CATSPERG: variants seen among roughly 807,000 people sequenced by gnomAD.
CATSPERG encodes cation channel sperm-associated auxiliary subunit gamma.
Under a neutral mutation model 145.0 loss-of-function variants are expected in CATSPERG, and 115 were observed. The observed-to-expected ratio is 0.79, with a 90% CI of 0.68 to 0.93. The LOEUF (loss-of-function observed/expected upper bound fraction) is 0.93. CATSPERG is among the 40% of genes least tolerant of loss of function. CATSPERG has a pLI of 0.00. For synonymous variants in CATSPERG, 588 were observed against 589.0 expected (o/e 1.00, Z 0.02); for missense variants, 1,296 against 1,490.1 (o/e 0.87, Z 2.14).
intron 20 of CATSPERG, among the ~76,000 whole-genome samples, chr19:38,363,939 C>T (rs1430863864): frequency 7.9e-5 from 12 of 152,278 alleles, no homozygotes; most frequent in Admixed American, 7.8e-4. Flanking sequence ...CTCCACAAAA[C>T]CGCCATTGTC....
At chr19:38,345,063 T>C (rs1024958742) in intron 6 of CATSPERG, among the ~76,000 whole-genome samples, 4 of 148,878 alleles carry the variant, frequency 2.7e-5, no homozygotes, top group African/African-American at 9.9e-5. Flanking sequence ...TGTACCACCA[T>C]ATCCAGCTAA....
chr19:38,348,464 G>A (rs73043022), intron 7 of CATSPERG, among the ~76,000 whole-genome samples: 3,427 of 124,066 alleles, frequency 0.028, 65 homozygotes, highest in South Asian at 0.054. Flanking sequence ...CACAAACTTC[G>A]TTTTTTTTTT....
chr19:38,344,856 G>GACAC lies in CATSPERG; in HGVS notation c.669+512_669+515dup, dbSNP rs34101460. The stretch of plus-strand genomic sequence containing the variant: ...ATATGTATATACCTGTACATGAACA[G>GACAC]ACACACACACACACACACACACACA... On this transcript the variant is annotated intron_variant, in intron 6 of 28. Coordinates refer to ENST00000409235, the MANE Select transcript of CATSPERG (RefSeq NM_021185.5). 6.9e-4 allele frequency among the ~76,000 whole-genome samples: 64 copies of GACAC among 92,352 alleles called. 1 individual carries two copies. Among genetic ancestry groups the GACAC allele is most frequent in the African/African-American group, 1.1e-3 (27 of 24,674 alleles). The allele number at this position is 92,352 out of a possible 152,430, so 60.6% of individuals were successfully genotyped here. A position where few individuals can be genotyped will look rare whatever the true frequency, so the allele number is the denominator to read the frequency against.
In CATSPERG at chr19:38,353,027, CAAAAAAA is replaced by C. The variant is rs61080753; in HGVS notation, c.997+614_997+620del. On this transcript the variant is annotated intron_variant, in intron 8 of 28. Coordinates refer to ENST00000409235, the MANE Select transcript of CATSPERG (RefSeq NM_021185.5). ...TGGGCGACAGAGCAAGACCCTGTTTCAAAAAAAAAAAAAAAAAAAAAAAAAGCTGGGC... is the reference window on the plus strand; with the variant it reads ...TGGGCGACAGAGCAAGACCCTGTTTCAAAAAAAAAAAAAAAAAAGCTGGGC... 3.9e-4 allele frequency among the ~76,000 whole-genome samples: 24 copies of C among 61,568 alleles called. 1 individual carries two copies. In the East Asian group the frequency reaches 6.6e-3, roughly 17 times the overall value. The allele number at this position is 61,568 out of a possible 152,430, so 40.4% of individuals were successfully genotyped here. A position where few individuals can be genotyped will look rare whatever the true frequency, so the allele number is the denominator to read the frequency against.
rs1269036262 is a variant in CATSPERG, at chr19:38,337,116, T to G, written c.-14-105T>G. 2.9e-6 allele frequency: 4 copies of G among 1,361,278 alleles called. No homozygotes were observed. In the African/African-American group the frequency reaches 5.8e-5, roughly 20 times the overall value. The allele number at this position is 1,361,278 out of a possible 1,614,324, so 84.3% of individuals were successfully genotyped here. A position where few individuals can be genotyped will look rare whatever the true frequency, so the allele number is the denominator to read the frequency against. ...GGGGCCAGGAGCAAGAGCCGGGGCGTGGCCAGGAGCAAGTGCTGTGAGAGG... is the reference window on the plus strand; with the variant it reads ...GGGGCCAGGAGCAAGAGCCGGGGCGGGGCCAGGAGCAAGTGCTGTGAGAGG... On this transcript the variant is annotated intron_variant, in intron 1 of 28. Coordinates refer to ENST00000409235, the MANE Select transcript of CATSPERG (RefSeq NM_021185.5).
intron 8 of CATSPERG, among the ~76,000 whole-genome samples, chr19:38,353,530 T>G (rs1970185993): frequency 6.7e-6 from 1 of 149,966 alleles, no homozygotes; most frequent in Non-Finnish European, 1.5e-5. Flanking sequence ...CTACTAAAAA[T>G]ACAGAAAATT....
chr19:38,359,108 C>T (rs1056976368), intron 13 of CATSPERG, among the ~76,000 whole-genome samples: 1 of 152,036 alleles, frequency 6.6e-6, no homozygotes, highest in African/African-American at 2.4e-5. Context: ...CCTCAGCCTC[C>T]GAGAGTGCTG....
At position 38,370,064 on chromosome 19, in the gene CATSPERG, G is replaced by T; in HGVS notation, c.3113G>T (p.Arg1038Ile). Residue 1038 changes from arginine (R) to isoleucine (I), a missense_variant and splice_region_variant, in exon 27 of 29, where the codon AGA becomes ATA. Physicochemically the swap from Arg to Ile is moderately conservative, Grantham distance 97. Transcript: ENST00000409235. ...TTCTTCAAGGTGTTGGTGAGCAATA[G>T]GTGAGCCAGGCAAGTGGCCCAGGTG... ...EFFFKVLVSN[R>I]GVDTSTYCNY... is the part of the protein sequence containing the mutation. 6.2e-7 allele frequency: 1 copy of T among 1,614,142 alleles called. No individual in the cohort carries two copies. The highest frequency in any genetic ancestry group is 8.5e-7 in the Non-Finnish European group (1 of 1,180,000).
In CATSPERG at chr19:38,343,747, G is replaced by A. The variant is rs539472585; in HGVS notation, c.469+23G>A. ...AAGGTGGGCCTGGGGGAGGCGGGAGGGATCGCAACCTGGCAGGGGTGTGGG... is the reference window on the plus strand; with the variant it reads ...AAGGTGGGCCTGGGGGAGGCGGGAGAGATCGCAACCTGGCAGGGGTGTGGG... On this transcript the variant is annotated intron_variant, in intron 4 of 28. Transcript: ENST00000409235. The A allele has an allele frequency of 1.2e-4, 190 of 1,544,404 alleles. 2 individuals carry two copies. The highest frequency in any genetic ancestry group is 7.4e-4 in the Middle Eastern group (4 of 5,370).
At chr19:38,363,714 G>A (rs1287448044) in intron 20 of CATSPERG, among the ~76,000 whole-genome samples, 2 of 151,826 alleles carry the variant, frequency 1.3e-5, no homozygotes, top group Non-Finnish European at 2.9e-5. Context: ...AGCACATCTT[G>A]CACCGCCCTT....
At chr19:38,359,812 T>C in intron 14 of CATSPERG, 1 of 1,277,884 alleles carries the variant, frequency 7.8e-7, no homozygotes, top group Non-Finnish European at 1.0e-6. Flanking sequence ...GCGGCCCTCT[T>C]TCATCCCACA....
chr19:38,348,703 C>G (rs1266122485), intron 7 of CATSPERG, among the ~76,000 whole-genome samples: 5 of 151,738 alleles, frequency 3.3e-5, no homozygotes, highest in Non-Finnish European at 7.4e-5. Flanking sequence ...GAACTCCTGA[C>G]CTCAAGTGAT....
At chr19:38,358,748 G>A (rs1970292426) in intron 13 of CATSPERG, among the ~76,000 whole-genome samples, 187 bp downstream of exon 13, 1 of 152,236 alleles carries the variant, frequency 6.6e-6, no homozygotes, top group African/African-American at 2.4e-5. Context: ...GATGGGGGAA[G>A]CCAATGTTTT....
intron 17 of CATSPERG, 98 bp from the exon 18 acceptor site, chr19:38,362,112 G>A (rs574415840): frequency 1.5e-6 from 2 of 1,342,756 alleles, no homozygotes; most frequent in East Asian, 5.0e-5. Flanking sequence ...TGGGTTGGGG[G>A]CTGGCTTTGA....
At chr19:38,337,689 GT>G in intron 3 of CATSPERG, 43 bp downstream of exon 3, 1 of 1,466,206 alleles carries the variant, frequency 6.8e-7, no homozygotes, top group Non-Finnish European at 9.3e-7. Context: ...ATGAGCCTTG[GT>G]TTTCCCACCT....
chr19:38,369,410 G>A, intron 26 of CATSPERG: 1 of 201,142 alleles, frequency 5.0e-6, no homozygotes, highest in Non-Finnish European at 1.1e-5. Context: ...ACAGGTGCAT[G>A]CCACCATGCC....
chr19:38,365,279 T>C (rs1970428569), intron 22 of CATSPERG, 162 bp downstream of exon 22: 1 of 640,874 alleles, frequency 1.6e-6, no homozygotes, highest in African/African-American at 1.8e-5. Context: ...CTAACTCCTT[T>C]CATTCTTTTT....
intron 1 of CATSPERG, 59 bp downstream of exon 1, chr19:38,335,934 G>A (rs1429264205): frequency 3.8e-6 from 1 of 264,526 alleles, no homozygotes; most frequent in Admixed American, 5.2e-5. Context: ...GCCGGGGACG[G>A]GGAGGAACTA....
At position 38,358,607 on chromosome 19, in the gene CATSPERG, C is replaced by T. The variant is rs751110985; in HGVS notation, c.1496+46C>T. ...GGTGGGCCAGGCATACTCTGTCTCC[C>T]CAGCAACTTTACGGTGGGGACCCTT... On this transcript the variant is annotated intron_variant, in intron 13 of 28. Coordinates refer to ENST00000409235, the MANE Select transcript of CATSPERG (RefSeq NM_021185.5). 5.0e-6 allele frequency: 8 copies of T among 1,612,170 alleles called. No individual in the cohort carries two copies. In the African/African-American group the frequency reaches 5.3e-5, roughly 11 times the overall value.
Sources: allele counts gnomAD v4.1 joint callset (sites outside exome capture counted in the v4.1 genomes callset), GRCh38; gene constraint gnomAD v4.1.1; transcripts MANE v1.5; gene names NCBI Gene and HGNC (gene_info 2026-07-23, HGNC 2026-07-21).